Variants in C8orf34 observed in about 807,000 individuals in gnomAD.
The protein encoded by C8orf34 is chromosome 8 open reading frame 34, also known as uncharacterized protein C8orf34.
A neutral mutation model predicts 68.3 loss-of-function variants in C8orf34; 65 were observed. The observed-to-expected ratio is 0.95, with a 90% CI of 0.78 to 1.17. The LOEUF (loss-of-function observed/expected upper bound fraction) is 1.17, where lower values mean the gene tolerates loss of function less well. Ranked by LOEUF, C8orf34 falls within the 50% of genes most tolerant of loss-of-function variation. The pLI is 0.00. For synonymous variants in C8orf34, 244 were observed against 241.2 expected, an observed-to-expected ratio of 1.01 and a Z score of -0.11; for missense variants, 664 against 655.4, an observed-to-expected ratio of 1.01 and a Z score of -0.14.
chr8:68,373,186 G>C (rs535604528), intron 1 of C8orf34, among the ~76,000 whole-genome samples: 1 of 152,182 alleles, frequency 6.6e-6, no homozygotes, highest in African/African-American at 2.4e-5. Context: ...ATAGAGACAG[G>C]GTTTCGCTAT....
At chr8:68,564,749 A>T (rs1025795954) in intron 7 of C8orf34, among the ~76,000 whole-genome samples, 1 of 152,204 alleles carries the variant, frequency 6.6e-6, no homozygotes, top group Non-Finnish European at 1.5e-5. Context: ...AATTTCCCAG[A>T]TGTCAATTTC....
chr8:68,773,589 G>A (rs12547698), intron 10 of C8orf34, among the ~76,000 whole-genome samples: 2 of 151,808 alleles, frequency 1.3e-5, no homozygotes, highest in African/African-American at 4.8e-5. Flanking sequence ...TGGTAAAGAC[G>A]AGGTTTCACC....
intron 8 of C8orf34, among the ~76,000 whole-genome samples, chr8:68,675,578 A>AAC (rs1554595424): frequency 2.6e-5 from 4 of 151,906 alleles, no homozygotes; most frequent in East Asian, 1.9e-4. Flanking sequence ...ATAAAAAAAA[A>AAC]ACACACACAA....
intron 10 of C8orf34, among the ~76,000 whole-genome samples, chr8:68,755,413 A>G (rs1822826764): frequency 6.6e-6 from 1 of 152,226 alleles, no homozygotes; most frequent in Non-Finnish European, 1.5e-5. Context: ...TGCCTTTTAT[A>G]TATGGAAAAT....
chr8:68,538,489 A>G (rs1399389717), intron 7 of C8orf34, among the ~76,000 whole-genome samples: 5 of 151,016 alleles, frequency 3.3e-5, no homozygotes, highest in Non-Finnish European at 7.4e-5. Flanking sequence ...TCTTTTTGTC[A>G]TGGCTAACAG....
At chr8:68,525,623 G>A (rs185691654) in intron 6 of C8orf34, 3 of 759,978 alleles carry the variant, frequency 3.9e-6, no homozygotes, top group Non-Finnish European at 2.3e-6. Flanking sequence ...GAACTGGTCA[G>A]ATGGGAGCAG....
intron 1 of C8orf34, among the ~76,000 whole-genome samples, chr8:68,384,725 C>T (rs375603915): frequency 2.6e-5 from 4 of 152,300 alleles, no homozygotes; most frequent in African/African-American, 9.6e-5. Context: ...TTGGTACGTG[C>T]AGGCTTAACT....
At chr8:68,575,961 T>G (rs893923736) in intron 7 of C8orf34, among the ~76,000 whole-genome samples, 13 of 149,990 alleles carry the variant, frequency 8.7e-5, no homozygotes, top group South Asian at 2.1e-4. Context: ...TGGTTGTTTT[T>G]TTTTTTTTTT....
intron 8 of C8orf34, among the ~76,000 whole-genome samples, chr8:68,706,876 G>C (rs1045075683): frequency 3.3e-5 from 5 of 152,164 alleles, no homozygotes; most frequent in African/African-American, 1.2e-4. Context: ...CCCTGGGAGA[G>C]GAGGTCCTGG....
In C8orf34 at chr8:68,815,668, G is replaced by A. The variant is rs139631349; in HGVS notation, c.1550-218G>A. ...CTTACATTTTATTGGAAAAATTACCGGAGGTTTAAGTGGAAAATGACTGAA... is the reference window on the plus strand; with the variant it reads ...CTTACATTTTATTGGAAAAATTACCAGAGGTTTAAGTGGAAAATGACTGAA... On this transcript the variant is annotated intron_variant, in intron 12 of 13. Transcript: ENST00000518698. 3.5e-4 allele frequency among the ~76,000 whole-genome samples: 54 copies of A among 152,198 alleles called. No homozygotes were observed. In the East Asian group the frequency reaches 8.7e-3, roughly 25 times the overall value.
At chr8:68,627,372 T>C (rs1279062437) in intron 7 of C8orf34, among the ~76,000 whole-genome samples, 1 of 152,200 alleles carries the variant, frequency 6.6e-6, no homozygotes, top group Non-Finnish European at 1.5e-5. Context: ...TTGCTTACAA[T>C]GTGTTGCACT....
At chr8:68,489,278 G>A (rs1021761207) in intron 5 of C8orf34, among the ~76,000 whole-genome samples, 5 of 152,148 alleles carry the variant, frequency 3.3e-5, no homozygotes, top group Non-Finnish European at 7.3e-5. Context: ...GGTGAATACT[G>A]CTCTAGATAT....
intron 1 of C8orf34, among the ~76,000 whole-genome samples, chr8:68,418,329 A>G (rs1809772391): frequency 1.3e-5 from 2 of 151,018 alleles, no homozygotes; most frequent in South Asian, 2.1e-4. Flanking sequence ...TTCCAACACT[A>G]TGTTGAATAG....
At chr8:68,331,783 CTTTTTT>C (rs552564162) in intron 1 of C8orf34, among the ~76,000 whole-genome samples, 93 of 29,518 alleles carry the variant, frequency 3.2e-3, no homozygotes, top group Middle Eastern at 0.026. Flanking sequence ...TTCTTTCCTT[CTTTTTT>C]TTTTTTTTTT....
chr8:68,789,132 C>T (rs1823922572), intron 12 of C8orf34, among the ~76,000 whole-genome samples: 1 of 152,092 alleles, frequency 6.6e-6, no homozygotes, highest in Admixed American at 6.5e-5. Flanking sequence ...TAGATTTTGG[C>T]TGTAGTGGTT....
intron 9 of C8orf34, among the ~76,000 whole-genome samples, chr8:68,721,030 A>G (rs1315994034): frequency 6.6e-6 from 1 of 152,008 alleles, no homozygotes; most frequent in African/African-American, 2.4e-5. Flanking sequence ...ATGAAATTAT[A>G]AAAGAGAAAC....
intron 8 of C8orf34, among the ~76,000 whole-genome samples, chr8:68,665,600 C>A (rs775306102): frequency 1.1e-4 from 17 of 152,194 alleles, no homozygotes; most frequent in Non-Finnish European, 2.1e-4. Context: ...CCAGCAATCA[C>A]AATGACCTTC....
At chr8:68,386,495 A>C (rs535478238) in intron 1 of C8orf34, among the ~76,000 whole-genome samples, 2 of 152,276 alleles carry the variant, frequency 1.3e-5, no homozygotes, top group Non-Finnish European at 2.9e-5. Flanking sequence ...ACAAAGCTAG[A>C]ATCTATAGGT....
intron 4 of C8orf34, among the ~76,000 whole-genome samples, chr8:68,474,265 C>T (rs758594191): frequency 1.3e-5 from 2 of 152,196 alleles, no homozygotes; most frequent in Non-Finnish European, 2.9e-5. Context: ...TCAAATGTGA[C>T]CTTTCGGCTG....
Sources: allele counts gnomAD v4.1 joint callset (sites outside exome capture counted in the v4.1 genomes callset), GRCh38; gene constraint gnomAD v4.1.1; transcripts MANE v1.5; gene names NCBI Gene and HGNC (gene_info 2026-07-23, HGNC 2026-07-21).